The following ANP32E variants were observed in gnomAD, a reference collection of about 807,000 sequenced individuals.
ANP32E encodes acidic leucine-rich nuclear phosphoprotein 32 family member E.
In ANP32E, 14 loss-of-function variants were observed where a neutral mutation model predicts 35.3. That is an observed-to-expected ratio of 0.40 (90% confidence interval 0.26 to 0.62). ANP32E has a LOEUF of 0.62. Among genes scored for constraint, ANP32E ranks in the 20% least tolerant of loss-of-function variants. The pLI, the probability that ANP32E is intolerant of heterozygous loss-of-function variation, is 0.45. For missense variants in ANP32E, 198 were observed against 304.4 expected (o/e 0.65, Z 2.60); for synonymous variants, 89 against 110.4 (o/e 0.81, Z 1.22).
intron 3 of ANP32E, among the ~76,000 whole-genome samples, chr1:150,230,034 A>ATTTTTAT (rs1163014824): frequency 6.6e-6 from 1 of 152,122 alleles, no homozygotes; most frequent in African/African-American, 2.4e-5. Flanking sequence ...CACCTGGCTA[A>ATTTTTAT]TTTTTATTTT....
chr1:150,229,768 G>A (rs55647200), intron 3 of ANP32E, among the ~76,000 whole-genome samples: 37,711 of 151,974 alleles, frequency 0.25, 5,547 homozygotes, highest in East Asian at 0.58. Context: ...GTGAGCCACC[G>A]CGCCCGGCCT....
chr1:150,231,199 C>T (rs1342588327), intron 2 of ANP32E, among the ~76,000 whole-genome samples: 3 of 152,184 alleles, frequency 2.0e-5, no homozygotes, highest in African/African-American at 7.2e-5. Flanking sequence ...CTTAACCCAG[C>T]TTGGATTCTA....
chr1:150,230,595 T>C lies in ANP32E; in HGVS notation c.303A>G (p.Lys101=), dbSNP rs1553841441. Residue 101 remains lysine (K), a synonymous_variant, in exon 3 of 7, where the codon AAA becomes AAG. Transcript: ENST00000583931. Reference sequence around the variant, plus strand: ...CCAGAGCTTCTACTGTACTGAGATCTTTTATTTTGTTTCCACTCAGATTGA... The same window carrying C: ...CCAGAGCTTCTACTGTACTGAGATCCTTTATTTTGTTTCCACTCAGATTGA... ...TYLNLSGNKI[K]DLSTVEALQN... is the part of the protein sequence containing the mutation. The C allele has an allele frequency of 6.2e-7, 1 of 1,613,462 alleles. No individual in the cohort carries two copies. The highest frequency in any genetic ancestry group is 8.5e-7 in the Non-Finnish European group (1 of 1,179,760).
At position 150,219,185 on chromosome 1, in the gene ANP32E, A is replaced by C. The variant is rs1471777825; in HGVS notation, c.*1506T>G. On this transcript the variant is annotated 3_prime_UTR_variant, in exon 7 of 7. Coordinates refer to ENST00000583931, the MANE Select transcript of ANP32E (RefSeq NM_030920.5). Reference sequence around the variant, plus strand: ...GCATAACTTCAATTAATTTGCTGACACTAACTTCTTAAAAACTTACAAATA... The same window carrying C: ...GCATAACTTCAATTAATTTGCTGACCCTAACTTCTTAAAAACTTACAAATA... 6.6e-6 allele frequency: 1 copy of C among 152,232 alleles called. No homozygotes were observed. Among genetic ancestry groups the C allele is most frequent in the African/African-American group, 2.4e-5 (1 of 41,466 alleles). 9.4% of individuals were successfully genotyped at this position (152,232 alleles called of 1,614,324 possible).
chr1:150,226,533 A>C, intron 5 of ANP32E, 75 bp downstream of exon 5: 1 of 1,543,312 alleles, frequency 6.5e-7, no homozygotes, highest in South Asian at 1.3e-5. Flanking sequence ...AGATTGCTAC[A>C]AAACACACTT....
intron 1 of ANP32E, among the ~76,000 whole-genome samples, chr1:150,232,512 C>A (rs1255661628): frequency 7.0e-6 from 1 of 143,330 alleles, no homozygotes; most frequent in Admixed American, 7.1e-5. Context: ...GCTCTGTTAC[C>A]CAGGCTGGAG....
chr1:150,222,663 TG>T (rs1475292874), intron 6 of ANP32E, among the ~76,000 whole-genome samples: 9 of 150,874 alleles, frequency 6.0e-5, no homozygotes, highest in Non-Finnish European at 8.9e-5. Context: ...GAGGCTGAGA[TG>T]GGGGGATCAC....
In ANP32E at chr1:150,222,523, G is replaced by T. The variant is rs587732212; in HGVS notation, c.736+663C>A. 2.2e-3 allele frequency among the ~76,000 whole-genome samples: 339 copies of T among 151,568 alleles called. 1 individual carries two copies. The highest frequency in any genetic ancestry group is 7.9e-3 in the African/African-American group (327 of 41,426). The stretch of plus-strand genomic sequence containing the variant: ...ACAATCCCAGCACTTTGGGAGGGTG[G>T]GGTGGGCAGATCGTTTGAACCCAGA... On this transcript the variant is annotated intron_variant, in intron 6 of 6. Coordinates refer to ENST00000583931, the MANE Select transcript of ANP32E (RefSeq NM_030920.5).
intron 5 of ANP32E, among the ~76,000 whole-genome samples, chr1:150,223,719 G>A (rs1275893698): frequency 1.8e-3 from 1 of 558 alleles, no homozygotes; most frequent in Non-Finnish European, 3.1e-3. Context: ...TAAATCTGTA[G>A]TCTTTTTTTT....
chr1:150,234,488 C>T lies in ANP32E; in HGVS notation c.54+1245G>A, dbSNP rs1267200221. On this transcript the variant is annotated intron_variant, in intron 1 of 6. Transcript: ENST00000583931. Reference sequence around the variant, plus strand: ...GCCGGACGCGAAAGCCCAGACAGACCCTGCTCATCCTCTATGCCGATCTGC... The same window carrying T: ...GCCGGACGCGAAAGCCCAGACAGACTCTGCTCATCCTCTATGCCGATCTGC... The T allele has an allele frequency of 1.1e-5, 8 of 698,630 alleles. No individual in the cohort carries two copies. The East Asian group carries it at 8.0e-4, about 70-fold the overall frequency. The allele number at this position is 698,630 out of a possible 1,614,324, so 43.3% of individuals were successfully genotyped here. A position where few individuals can be genotyped will look rare whatever the true frequency, so the allele number is the denominator to read the frequency against.
At chr1:150,230,472 C>T (rs1304568550) in intron 3 of ANP32E, 99 bp downstream of exon 3, 1 of 1,235,200 alleles carries the variant, frequency 8.1e-7, no homozygotes, top group Non-Finnish European at 1.1e-6. Flanking sequence ...ACAAAAAATT[C>T]TTAAGTTTTA....
chr1:150,220,909 T>C, intron 6 of ANP32E, 148 bp from the exon 7 acceptor site: 1 of 638,858 alleles, frequency 1.6e-6, no homozygotes, highest in East Asian at 3.0e-5. Context: ...CTGAGGTGGA[T>C]GGATCACTTG....
intron 5 of ANP32E, among the ~76,000 whole-genome samples, chr1:150,226,007 GTT>G (rs34846816): frequency 2.9e-5 from 4 of 138,354 alleles, no homozygotes; most frequent in Admixed American, 7.4e-5. Context: ...GATATAACCT[GTT>G]TTTTTTTTTT....
intron 6 of ANP32E, 95 bp downstream of exon 6, chr1:150,223,091 C>G: frequency 7.4e-7 from 1 of 1,358,866 alleles, no homozygotes; most frequent in Non-Finnish European, 9.9e-7. Flanking sequence ...GCATTATAGG[C>G]TCATTCTTTA....
In ANP32E at chr1:150,231,816, A is replaced by G. The variant is rs782140273; in HGVS notation, c.165T>C (p.Ser55=). Residue 55 remains serine (S), a synonymous_variant, in exon 2 of 7, where the codon AGT becomes AGC. Coordinates refer to ENST00000583931, the MANE Select transcript of ANP32E (RefSeq NM_030920.5). ...TTAAGCTGGGAAGCCGGGCCAGCGAACTTAGTTCCACATTAGCCATACTCA... is the reference window on the plus strand; with the variant it reads ...TTAAGCTGGGAAGCCGGGCCAGCGAGCTTAGTTCCACATTAGCCATACTCA... ...EFLSMANVEL[S]SLARLPSLNK... is the part of the protein sequence containing the mutation. The G allele has an allele frequency of 3.7e-6, 6 of 1,605,768 alleles. No individual in the cohort carries two copies. In the South Asian group the frequency reaches 5.6e-5, roughly 15 times the overall value.
At chr1:150,221,287 A>C (rs1204509220) in intron 6 of ANP32E, among the ~76,000 whole-genome samples, 1 of 150,182 alleles carries the variant, frequency 6.7e-6, no homozygotes, top group Admixed American at 6.7e-5. Flanking sequence ...AAAAATATAA[A>C]AATCAGCTGG....
intron 3 of ANP32E, among the ~76,000 whole-genome samples, chr1:150,230,311 AAAG>A (rs1458754527): frequency 2.7e-5 from 4 of 150,066 alleles, no homozygotes; most frequent in Non-Finnish European, 6.0e-5. Flanking sequence ...AAAAAGAATG[AAAG>A]AAGGTTAAAA....
chr1:150,229,581 C>T (rs895217450), intron 3 of ANP32E, among the ~76,000 whole-genome samples: 9 of 152,158 alleles, frequency 5.9e-5, no homozygotes, highest in Admixed American at 2.0e-4. Context: ...CGGGTTCAAG[C>T]GATTCTCCTG....
chr1:150,233,020 T>C (rs1553842264), intron 1 of ANP32E, among the ~76,000 whole-genome samples: 1 of 151,848 alleles, frequency 6.6e-6, no homozygotes, highest in African/African-American at 2.4e-5. Flanking sequence ...ATCCCAGCAC[T>C]TTGGGAAGCT....
Sources: allele counts gnomAD v4.1 joint callset (sites outside exome capture counted in the v4.1 genomes callset), GRCh38; gene constraint gnomAD v4.1.1; transcripts MANE v1.5; gene names NCBI Gene and HGNC (gene_info 2026-07-23, HGNC 2026-07-21).